The following MAGED1 variants were observed in gnomAD, a reference collection of about 807,000 sequenced individuals.
The protein encoded by MAGED1 is melanoma-associated antigen D1.
In MAGED1, 3 loss-of-function variants were observed where a neutral mutation model predicts 54.1. The observed-to-expected ratio is 0.06, with a 90% CI of 0.03 to 0.14. MAGED1 has a LOEUF of 0.14. MAGED1 is among the 10% of genes least tolerant of loss of function. The pLI, the probability that MAGED1 is intolerant of heterozygous loss-of-function variation, is 1.00. For missense variants in MAGED1, 485 were observed against 623.4 expected (o/e 0.78, Z 2.36); for synonymous variants, 217 against 227.3 (o/e 0.95, Z 0.41).
At chrX:51,821,877 A>G (rs1482900523) in intron 1 of MAGED1, among the ~76,000 whole-genome samples, 1 of 111,994 alleles carries the variant, frequency 8.9e-6, no homozygotes, top group Non-Finnish European at 1.9e-5. Flanking sequence ...CTGTTAGTAT[A>G]GTGTATTACA....
intron 1 of MAGED1, among the ~76,000 whole-genome samples, chrX:51,835,471 C>T (rs1365118591): frequency 9.0e-6 from 1 of 110,803 alleles, no homozygotes; most frequent in African/African-American, 3.3e-5. Context: ...GTTGAAAGAT[C>T]ATAAGTTGAA....
intron 1 of MAGED1, among the ~76,000 whole-genome samples, chrX:51,824,394 T>A (rs782058391): frequency 1.7e-4 from 19 of 111,121 alleles, no homozygotes; most frequent in Non-Finnish European, 3.2e-4. Context: ...ACTGTTAAAC[T>A]TCTGTTTTCT....
intron 1 of MAGED1, among the ~76,000 whole-genome samples, chrX:51,819,287 A>G (rs1346355468): frequency 1.8e-5 from 2 of 110,222 alleles, no homozygotes; most frequent in Non-Finnish European, 3.8e-5. Context: ...GTGTATAGGA[A>G]GCCTTACACT....
chrX:51,840,507 A>C (rs1343843533), intron 1 of MAGED1, among the ~76,000 whole-genome samples: 1 of 109,279 alleles, frequency 9.2e-6, no homozygotes, highest in Non-Finnish European at 1.9e-5. Flanking sequence ...ATATGTATAC[A>C]TGTGCCATGT....
intron 1 of MAGED1, among the ~76,000 whole-genome samples, chrX:51,824,645 A>G (rs1925765117): frequency 9.4e-6 from 1 of 105,925 alleles, no homozygotes; most frequent in Non-Finnish European, 1.9e-5. Flanking sequence ...TTCCCATTAT[A>G]TGTATTTTGG....
chrX:51,814,133 T>C (rs1265671381), intron 1 of MAGED1, among the ~76,000 whole-genome samples: 1 of 110,944 alleles, frequency 9.0e-6, no homozygotes, highest in Non-Finnish European at 1.9e-5. Flanking sequence ...AGAGCAGTCA[T>C]CAGGGAGTGA....
At chrX:51,868,258 AAAGT>A (rs2146992174) in intron 1 of MAGED1, among the ~76,000 whole-genome samples, 1 of 111,256 alleles carries the variant, frequency 9.0e-6, no homozygotes, top group East Asian at 2.8e-4. Context: ...ACATATCAGG[AAAGT>A]AAGTGTGTGT....
chrX:51,853,544 T>TA lies in MAGED1; in HGVS notation c.-36-40724dup, dbSNP rs1348885253. Among the ~76,000 whole-genome samples, 30 of 112,210 alleles carry TA rather than the reference T, an allele frequency of 2.7e-4. 1 individual carries two copies. The highest frequency in any genetic ancestry group is 3.2e-5 in the African/African-American group (1 of 30,836). ...AGTGTAGCTCTGGGTTTTAATCTCTTATCTCTTTTGCCTTTCAAGGCAGCC... is the reference window on the plus strand; with the variant it reads ...AGTGTAGCTCTGGGTTTTAATCTCTTAATCTCTTTTGCCTTTCAAGGCAGCC... On this transcript the variant is annotated intron_variant, in intron 1 of 12. Coordinates refer to the MAGED1 transcript ENST00000375772.
intron 1 of MAGED1, among the ~76,000 whole-genome samples, chrX:51,850,340 A>T (rs1363179185): frequency 1.8e-5 from 2 of 112,342 alleles, no homozygotes; most frequent in Non-Finnish European, 3.8e-5. Context: ...ATTCCAACAG[A>T]ACTTAACAAA....
chrX:51,813,343 C>A (rs1478405765), intron 1 of MAGED1, among the ~76,000 whole-genome samples: 1 of 111,088 alleles, frequency 9.0e-6, no homozygotes, highest in African/African-American at 3.3e-5. Context: ...ATCTTTTAAG[C>A]CTCACCTCTC....
chrX:51,868,387 G>A (rs1927532978), intron 1 of MAGED1, among the ~76,000 whole-genome samples: 1 of 111,226 alleles, frequency 9.0e-6, no homozygotes, highest in South Asian at 3.8e-4. Context: ...CACCACAAGT[G>A]TAAAATCCTA....
chrX:51,837,471 A>G (rs1351321672), intron 1 of MAGED1, among the ~76,000 whole-genome samples: 1 of 111,892 alleles, frequency 8.9e-6, no homozygotes, highest in African/African-American at 3.2e-5. Flanking sequence ...GACTCCCATT[A>G]TTAAAGGGGG....
At chrX:51,839,605 T>C (rs1926381099) in intron 1 of MAGED1, among the ~76,000 whole-genome samples, 1 of 112,337 alleles carries the variant, frequency 8.9e-6, no homozygotes, top group African/African-American at 3.2e-5. Context: ...TTGCATTTTT[T>C]TCTATAATCT....
intron 1 of MAGED1, among the ~76,000 whole-genome samples, chrX:51,847,925 GA>G (rs1343084623): frequency 8.9e-6 from 1 of 112,156 alleles, no homozygotes; most frequent in Non-Finnish European, 1.9e-5. Context: ...ATTTTCTCTA[GA>G]ATAGGTATCT....
chrX:51,889,627 C>CAAAAAA (rs1170454113), upstream of MAGED1, among the ~76,000 whole-genome samples: 1 of 16,908 alleles, frequency 5.9e-5, no homozygotes, highest in Non-Finnish European at 1.3e-4. Flanking sequence ...GACTCTGTCT[C>CAAAAAA]AAAAAAAAAA....
Position 51,898,419 on chromosome X carries a change from G to T in MAGED1, c.1781+92G>T. On this transcript the variant is annotated intron_variant, in intron 9 of 12. Transcript: ENST00000326587. ...GATTGCATTAACCTGGGGGTCTGGAGGGTTTGGTTTGGGGATGTTCAGAGC... is the reference window on the plus strand; with the variant it reads ...GATTGCATTAACCTGGGGGTCTGGATGGTTTGGTTTGGGGATGTTCAGAGC... 4.5e-6 allele frequency: 5 copies of T among 1,104,381 alleles called. No individual in the cohort carries two copies. In the South Asian group the frequency reaches 6.1e-5, roughly 13 times the overall value. The allele number at this position is 1,104,381 out of a possible 1,213,427, so 91.0% of individuals were successfully genotyped here. A position where few individuals can be genotyped will look rare whatever the true frequency, so the allele number is the denominator to read the frequency against.
intron 1 of MAGED1, among the ~76,000 whole-genome samples, chrX:51,866,561 G>A (rs1170613465): frequency 1.8e-5 from 2 of 112,093 alleles, no homozygotes; most frequent in Non-Finnish European, 3.8e-5. Flanking sequence ...CAGTATTTAA[G>A]TTTATATGCA....
chrX:51,898,970 C>CACTCCAACCTGGGCA (rs1304322936), intron 10 of MAGED1: 1 of 183,613 alleles, frequency 5.4e-6, no homozygotes, highest in Non-Finnish European at 9.9e-6. Flanking sequence ...CATGCCACTG[C>CACTCCAACCTGGGCA]ACTCCAACCT....
chrX:51,897,231 G>A lies in MAGED1; in HGVS notation c.1446G>A (p.Leu482=). 8.3e-7 allele frequency: 1 copy of A among 1,210,353 alleles called. No homozygotes were observed. Among genetic ancestry groups the A allele is most frequent in the Non-Finnish European group, 1.1e-6 (1 of 895,091 alleles). ...AGGCAAATAAGTTGGTCAAGTACTT[G>A]ATGCTTAAGGACTACACAAAGGTGC... The part of the protein sequence containing the change: ...QERANKLVKY[L]MLKDYTKVPI... The change falls in exon 5 of 13, where the codon TTG becomes TTA. Residue 482 remains leucine, a synonymous_variant. Coordinates refer to ENST00000326587, the MANE Select transcript of MAGED1 (RefSeq NM_006986.4).
Sources: allele counts gnomAD v4.1 joint callset (sites outside exome capture counted in the v4.1 genomes callset), GRCh38; gene constraint gnomAD v4.1.1; transcripts MANE v1.5; gene names NCBI Gene and HGNC (gene_info 2026-07-23, HGNC 2026-07-21).